The following BTBD16 variants were observed in gnomAD, a reference collection of about 807,000 sequenced individuals.
The protein encoded by BTBD16 is BTB domain containing 16.
Under a neutral mutation model 67.4 loss-of-function variants are expected in BTBD16, and 66 were observed. The ratio of observed to expected loss-of-function variants is 0.98; its 90% CI spans 0.80 to 1.20. The LOEUF (loss-of-function observed/expected upper bound fraction) is 1.20. Ranked by LOEUF, BTBD16 falls within the 50% of genes most tolerant of loss-of-function variation. The pLI is 0.00. For synonymous variants in BTBD16, 242 were observed against 236.4 expected (o/e 1.02, Z -0.22); for missense variants, 634 against 616.0 (o/e 1.03, Z -0.31).
chr10:122,305,313 CAT>C (rs2096401720), intron 9 of BTBD16, among the ~76,000 whole-genome samples: 1 of 152,124 alleles, frequency 6.6e-6, no homozygotes, highest in Admixed American at 6.5e-5. Context: ...CCAAATCTCA[CAT>C]TGAATTGTAA....
intron 10 of BTBD16, chr10:122,328,929 T>C (rs201804596): frequency 3.1e-6 from 2 of 636,346 alleles, no homozygotes; most frequent in Non-Finnish European, 3.9e-6. Context: ...TAAAACTAGT[T>C]CCCCACACAG....
In BTBD16 at chr10:122,289,894, C is replaced by T. The variant is rs1241903215; in HGVS notation, c.386-15C>T. The stretch of plus-strand genomic sequence containing the variant: ...TTATCACATCCTGCCATCATCATCT[C>T]ATTTCCTTTACTAGCTCAATCACCT... On this transcript the variant is annotated splice_polypyrimidine_tract_variant and intron_variant, in intron 5 of 15. Coordinates refer to ENST00000260723, the MANE Select transcript of BTBD16 (RefSeq NM_144587.5). 1.2e-6 allele frequency: 2 copies of T among 1,607,942 alleles called. No homozygotes were observed. The highest frequency in any genetic ancestry group is 1.7e-6 in the Non-Finnish European group (2 of 1,175,004).
chr10:122,296,262 C>G (rs942196911), intron 7 of BTBD16, among the ~76,000 whole-genome samples: 1 of 152,062 alleles, frequency 6.6e-6, no homozygotes, highest in Non-Finnish European at 1.5e-5. Flanking sequence ...AATAATAAAT[C>G]TTATAATGTT....
intron 4 of BTBD16, among the ~76,000 whole-genome samples, 189 bp from the exon 5 acceptor site, chr10:122,285,916 C>G (rs1386745916): frequency 6.6e-6 from 1 of 151,592 alleles, no homozygotes; most frequent in African/African-American, 2.4e-5. Flanking sequence ...TTTGGTGTCC[C>G]CCTCAAAGCC....
intron 10 of BTBD16, among the ~76,000 whole-genome samples, chr10:122,307,766 G>A (rs771436892): frequency 1.3e-5 from 2 of 152,176 alleles, no homozygotes; most frequent in African/African-American, 4.8e-5. Context: ...ATGACGAGGC[G>A]AGTTTAAGGA....
At chr10:122,325,226 A>C (rs1292310723) in intron 10 of BTBD16, among the ~76,000 whole-genome samples, 3 of 152,244 alleles carry the variant, frequency 2.0e-5, no homozygotes. Context: ...GGACCAGGTC[A>C]TTCATCCAAT....
intron 7 of BTBD16, among the ~76,000 whole-genome samples, chr10:122,292,061 C>G (rs1319672861): frequency 6.6e-6 from 1 of 152,186 alleles, no homozygotes; most frequent in South Asian, 2.1e-4. Flanking sequence ...AGGAAACACA[C>G]CCTGGAGGGG....
At chr10:122,277,485 GA>G (rs2096343368) in intron 3 of BTBD16, among the ~76,000 whole-genome samples, 1 of 152,104 alleles carries the variant, frequency 6.6e-6, no homozygotes, top group African/African-American at 2.4e-5. Flanking sequence ...AATTTATAAA[GA>G]AAAAAGGTTT....
At chr10:122,328,953 C>G in intron 10 of BTBD16, 1 of 551,952 alleles carries the variant, frequency 1.8e-6, no homozygotes, top group Non-Finnish European at 2.3e-6. Context: ...TTCTCTTCTT[C>G]TTTTTAATTT....
At chr10:122,282,837 G>A (rs908698175) in intron 3 of BTBD16, among the ~76,000 whole-genome samples, 14 of 152,214 alleles carry the variant, frequency 9.2e-5, no homozygotes, top group African/African-American at 3.4e-4. Context: ...ACGGGCAGGG[G>A]TAAAGCCACT....
At chr10:122,312,650 A>G (rs2096416119) in intron 10 of BTBD16, among the ~76,000 whole-genome samples, 1 of 151,940 alleles carries the variant, frequency 6.6e-6, no homozygotes, top group Non-Finnish European at 1.5e-5. Context: ...GAGTGGAACT[A>G]ATTTGCCTAT....
At chr10:122,333,248 G>A (rs900045309) in intron 13 of BTBD16, among the ~76,000 whole-genome samples, 3 of 152,172 alleles carry the variant, frequency 2.0e-5, no homozygotes, top group African/African-American at 4.8e-5. Context: ...TCGTGCCTAA[G>A]TGGGCAGATG....
intron 4 of BTBD16, among the ~76,000 whole-genome samples, chr10:122,285,438 G>A (rs1401883752): frequency 6.6e-6 from 1 of 152,182 alleles, no homozygotes; most frequent in Non-Finnish European, 1.5e-5. Flanking sequence ...AGAGGGTCAT[G>A]AGAATCCTAC....
intron 7 of BTBD16, chr10:122,295,497 C>A: frequency 1.0e-6 from 1 of 985,352 alleles, no homozygotes; most frequent in Non-Finnish European, 1.2e-6. Context: ...GTGGCAGAGC[C>A]TCTGTGGTTT....
intron 10 of BTBD16, among the ~76,000 whole-genome samples, chr10:122,321,392 A>G (rs1409491025): frequency 1.3e-5 from 2 of 152,198 alleles, no homozygotes. Flanking sequence ...TGTTGGGTCA[A>G]ATGGTATAGT....
At chr10:122,291,945 G>T (rs1467881477) in intron 7 of BTBD16, among the ~76,000 whole-genome samples, 1 of 152,114 alleles carries the variant, frequency 6.6e-6, no homozygotes, top group African/African-American at 2.4e-5. Flanking sequence ...GAATGTGAAA[G>T]CTTCCTCATC....
chr10:122,328,632 C>A, intron 10 of BTBD16: 1 of 393,896 alleles, frequency 2.5e-6, no homozygotes, highest in Non-Finnish European at 3.5e-6. Context: ...AAATAATCTA[C>A]AAGTACCCTG....
chr10:122,291,855 G>A (rs1023076344), intron 7 of BTBD16, among the ~76,000 whole-genome samples: 12 of 152,166 alleles, frequency 7.9e-5, no homozygotes, highest in African/African-American at 2.9e-4. Context: ...GCTGCCCATC[G>A]GGAGGGTTCA....
chr10:122,324,282 TC>T (rs1009445982), intron 10 of BTBD16, among the ~76,000 whole-genome samples: 8 of 152,088 alleles, frequency 5.3e-5, no homozygotes, highest in East Asian at 1.9e-4. Flanking sequence ...AACAGCACCT[TC>T]CCCCACCCAT....
Sources: allele counts gnomAD v4.1 joint callset (sites outside exome capture counted in the v4.1 genomes callset), GRCh38; gene constraint gnomAD v4.1.1; transcripts MANE v1.5; gene names NCBI Gene and HGNC (gene_info 2026-07-23, HGNC 2026-07-21).